EHBP1: variants seen among roughly 807,000 people sequenced by gnomAD.
EHBP1 encodes the protein EH domain-binding protein 1.
Under a neutral mutation model 144.0 loss-of-function variants are expected in EHBP1, and 55 were observed. The ratio of observed to expected loss-of-function variants is 0.38; its 90% CI spans 0.31 to 0.48. EHBP1 has a LOEUF of 0.48. Among genes scored for constraint, EHBP1 ranks in the 20% least tolerant of loss-of-function variants. The probability of loss-of-function intolerance (pLI) is 0.98; values close to 1 mark genes in which losing one functional copy is unlikely to be tolerated. For missense variants in EHBP1, 1,200 were observed against 1,364.2 expected (o/e 0.88, Z 1.90); for synonymous variants, 469 against 472.7 (o/e 0.99, Z 0.10).
chr2:62,881,662 G>T (rs981568396), intron 10 of EHBP1: 6 of 152,106 alleles, frequency 3.9e-5, no homozygotes, highest in Admixed American at 2.6e-4. Context: ...TTATGTCAAG[G>T]TATAATTTTG....
At chr2:63,042,395 G>C (rs947600215) in intron 21 of EHBP1, among the ~76,000 whole-genome samples, 1 of 151,994 alleles carries the variant, frequency 6.6e-6, no homozygotes, top group Non-Finnish European at 1.5e-5. Context: ...TAAAAGTATA[G>C]TTTGCTAATG....
intron 12 of EHBP1, among the ~76,000 whole-genome samples, chr2:62,946,560 A>G (rs1032283756): frequency 2.0e-5 from 3 of 152,230 alleles, no homozygotes; most frequent in Admixed American, 6.5e-5. Context: ...TTAAAGCACC[A>G]TAGGAAAACA....
chr2:62,764,402 C>G (rs1299347248), intron 4 of EHBP1, 41 bp downstream of exon 4: 1 of 1,406,946 alleles, frequency 7.1e-7, no homozygotes, highest in East Asian at 2.5e-5. Flanking sequence ...TATTATATAA[C>G]CAGGGTACCA....
upstream of EHBP1, among the ~76,000 whole-genome samples, chr2:62,705,268 A>C (rs943443058): frequency 6.6e-6 from 1 of 152,016 alleles, no homozygotes; most frequent in Non-Finnish European, 1.5e-5. Flanking sequence ...AGAAACCCAC[A>C]GGCAGCTGCA....
chr2:62,813,326 G>T (rs1307538135), intron 5 of EHBP1, among the ~76,000 whole-genome samples: 2 of 152,196 alleles, frequency 1.3e-5, no homozygotes, highest in Non-Finnish European at 2.9e-5. Flanking sequence ...AGAACTTTGG[G>T]GGCATGGATA....
intron 5 of EHBP1, among the ~76,000 whole-genome samples, chr2:62,776,554 C>T (rs766613633): frequency 2.0e-5 from 3 of 152,162 alleles, no homozygotes; most frequent in Non-Finnish European, 2.9e-5. Context: ...CTTTCTACCA[C>T]TTACACCTCT....
chr2:62,720,547 T>C (rs1359854526), intron 2 of EHBP1, among the ~76,000 whole-genome samples: 4 of 152,210 alleles, frequency 2.6e-5, no homozygotes, highest in Non-Finnish European at 1.5e-5. Flanking sequence ...CAAAGTAACT[T>C]AATTGAAACT....
chr2:62,793,520 A>G (rs2043313373), intron 5 of EHBP1, among the ~76,000 whole-genome samples: 1 of 152,138 alleles, frequency 6.6e-6, no homozygotes, highest in South Asian at 2.1e-4. Context: ...AGTAGATTTC[A>G]GTGCATATAT....
At chr2:62,836,338 CT>C (rs1391026592) in intron 7 of EHBP1, among the ~76,000 whole-genome samples, 13 of 147,338 alleles carry the variant, frequency 8.8e-5, no homozygotes, top group African/African-American at 3.2e-4. Flanking sequence ...GAAAACCCAT[CT>C]GTACATCACC....
chr2:62,865,018 A>T, intron 9 of EHBP1, 47 bp downstream of exon 9: 1 of 1,585,314 alleles, frequency 6.3e-7, no homozygotes, highest in South Asian at 1.1e-5. Flanking sequence ...TCTCTATGTT[A>T]CCTAAAGAGA....
chr2:62,719,119 C>A (rs1266052075), intron 2 of EHBP1, among the ~76,000 whole-genome samples: 1 of 151,666 alleles, frequency 6.6e-6, no homozygotes, highest in Non-Finnish European at 1.5e-5. Flanking sequence ...ATGTGTGTCA[C>A]CACGCCCGGC....
chr2:62,806,651 C>T, intron 5 of EHBP1, among the ~76,000 whole-genome samples: 1 of 152,128 alleles, frequency 6.6e-6, no homozygotes, highest in Non-Finnish European at 1.5e-5. Flanking sequence ...TGTGAGCCAC[C>T]ACACTTGGCT....
rs1199864178 is a variant in EHBP1, at chr2:62,771,404, G to A, written c.312+12G>A. The A allele has an allele frequency of 3.8e-6, 6 of 1,576,936 alleles. No homozygotes were observed. Among genetic ancestry groups the A allele is most frequent in the Non-Finnish European group, 4.3e-6 (5 of 1,159,768 alleles). On this transcript the variant is annotated intron_variant, in intron 5 of 22. Coordinates refer to ENST00000431489, the MANE Select transcript of EHBP1 (RefSeq NM_001142616.3). ...TTGTCATAGAAAATGTAAGCTAATGGCAAATTCCTTCACCTTTCACATTTT... is the reference window on the plus strand; with the variant it reads ...TTGTCATAGAAAATGTAAGCTAATGACAAATTCCTTCACCTTTCACATTTT...
chr2:62,777,716 A>AGT (rs1367851938), intron 5 of EHBP1, among the ~76,000 whole-genome samples: 6 of 152,200 alleles, frequency 3.9e-5, no homozygotes, highest in Non-Finnish European at 5.9e-5. Flanking sequence ...AAAGTAGTGA[A>AGT]GTGTCAGAGA....
At chr2:62,842,780 G>A (rs557878113) in intron 7 of EHBP1, among the ~76,000 whole-genome samples, 9 of 152,156 alleles carry the variant, frequency 5.9e-5, no homozygotes, top group South Asian at 4.1e-4. Flanking sequence ...AATTAGATAC[G>A]GGTACTTTTA....
intron 7 of EHBP1, among the ~76,000 whole-genome samples, chr2:62,847,965 T>C (rs2048409961): frequency 1.3e-5 from 2 of 152,084 alleles, no homozygotes; most frequent in Admixed American, 1.3e-4. Context: ...TCTACTAGAA[T>C]GGTTAAAATT....
At chr2:62,916,771 GTTA>G (rs1488660628) in intron 10 of EHBP1, among the ~76,000 whole-genome samples, 1 of 148,696 alleles carries the variant, frequency 6.7e-6, no homozygotes, top group Admixed American at 6.7e-5. Context: ...TATTGTGTAT[GTTA>G]TTGTATATAT....
At chr2:62,753,636 C>T (rs910658410) in intron 3 of EHBP1, among the ~76,000 whole-genome samples, 1 of 152,180 alleles carries the variant, frequency 6.6e-6, no homozygotes, top group Non-Finnish European at 1.5e-5. Context: ...CTCTCAGGTA[C>T]ACCAATCAGA....
At chr2:62,711,754 A>G (rs1371483131) in intron 2 of EHBP1, among the ~76,000 whole-genome samples, 2 of 152,270 alleles carry the variant, frequency 1.3e-5, no homozygotes, top group African/African-American at 2.4e-5. Context: ...CGTGTTTTCT[A>G]AGAAACCAAC....
Sources: gnomAD v4.1 joint callset for allele counts (sites outside exome capture counted in the v4.1 genomes callset) on GRCh38, gnomAD v4.1.1 for gene constraint, MANE v1.5 for transcripts, NCBI Gene and HGNC (gene_info 2026-07-23, HGNC 2026-07-21) for gene names.